Variants in GNL3L observed in about 807,000 individuals in gnomAD.
GNL3L encodes the protein G protein nucleolar 3 like.
Under a neutral mutation model 42.9 loss-of-function variants are expected in GNL3L, and 4 were observed. That is an observed-to-expected ratio of 0.09 (90% confidence interval 0.05 to 0.21). The LOEUF is 0.21. Among genes scored for constraint, GNL3L ranks in the 10% least tolerant of loss-of-function variants. The probability of loss-of-function intolerance (pLI) is 1.00; values close to 1 mark genes in which losing one functional copy is unlikely to be tolerated. For missense variants in GNL3L, 412 were observed against 481.7 expected (o/e 0.86, Z 1.36); for synonymous variants, 159 against 176.3 (o/e 0.90, Z 0.78).
chrX:54,594,822 C>G (rs1407865340), intron 16 of GNL3L, among the ~76,000 whole-genome samples: 2 of 110,893 alleles, frequency 1.8e-5, no homozygotes, highest in East Asian at 5.7e-4. Context: ...AATATACTAC[C>G]TTATTAACCC....
At chrX:54,594,763 T>A (rs1482502262) in intron 16 of GNL3L, among the ~76,000 whole-genome samples, 1 of 111,242 alleles carries the variant, frequency 9.0e-6, no homozygotes, top group East Asian at 2.8e-4. Context: ...TTTTATTTTT[T>A]GTGTATACAT....
intron 14 of GNL3L, among the ~76,000 whole-genome samples, chrX:54,555,859 T>G (rs1226643754): frequency 9.2e-6 from 1 of 109,129 alleles, no homozygotes; most frequent in Non-Finnish European, 1.9e-5. Context: ...CCCCAACACC[T>G]ACACAATCAA....
At chrX:54,578,630 C>T (rs750089325) in intron 16 of GNL3L, among the ~76,000 whole-genome samples, 1 of 112,306 alleles carries the variant, frequency 8.9e-6, no homozygotes, top group Admixed American at 9.5e-5. Flanking sequence ...CATTTTGTTG[C>T]ATGTATCATA....
chrX:54,642,427 C>T, the GNL3L span, among the ~76,000 whole-genome samples: 1 of 111,770 alleles, frequency 8.9e-6, no homozygotes. Context: ...CATTTATTTC[C>T]TTTCAATGTA....
At chrX:54,644,626 C>G in the GNL3L span, among the ~76,000 whole-genome samples, 3 of 111,913 alleles carry the variant, frequency 2.7e-5, no homozygotes, top group Non-Finnish European at 5.6e-5. Flanking sequence ...ATCTGAATGT[C>G]TGTGCCTGCA....
rs766901942 is a variant in GNL3L, at chrX:54,551,625, T to C, written c.921T>C (p.Ile307=). 7 of 1,210,268 alleles carry C rather than the reference T, an allele frequency of 5.8e-6. No individual in the cohort carries two copies. The South Asian group carries it at 1.2e-4, about 21-fold the overall frequency. ...TCCGGCTCTTGGATGCTCCAGGCAT[T>C]GTCCCAGGGCCCAACTCAGAGGTGG... is the stretch of plus-strand genomic sequence containing the variant. ...KFIRLLDAPG[I]VPGPNSEVGT... Residue 307 remains isoleucine (I), a synonymous_variant, in exon 11 of 16, where the codon ATT becomes ATC. Transcript: ENST00000360845.
the GNL3L span, among the ~76,000 whole-genome samples, chrX:54,632,881 C>T: frequency 9.0e-6 from 1 of 111,712 alleles, no homozygotes; most frequent in Middle Eastern, 4.6e-3. Context: ...GGTTTCTTCT[C>T]ATTTTGGTAG....
the GNL3L span, among the ~76,000 whole-genome samples, chrX:54,645,051 G>T: frequency 1.8e-5 from 2 of 111,610 alleles, no homozygotes; most frequent in Non-Finnish European, 3.8e-5. Context: ...TGAACTGGTT[G>T]TGGGAAAGCA....
At chrX:54,616,694 A>G (rs1926225294) in intron 16 of GNL3L, among the ~76,000 whole-genome samples, 1 of 111,703 alleles carries the variant, frequency 9.0e-6, no homozygotes, top group Admixed American at 9.5e-5. Flanking sequence ...TTTCAGTTTT[A>G]GGCTTTGAGA....
chrX:54,604,673 A>C (rs1926038650), intron 16 of GNL3L, among the ~76,000 whole-genome samples: 1 of 111,684 alleles, frequency 9.0e-6, no homozygotes, highest in Non-Finnish European at 1.9e-5. Context: ...ACAAACAAAA[A>C]CAAAACAAAA....
chrX:54,630,016 C>A, the GNL3L span, among the ~76,000 whole-genome samples: 1 of 111,075 alleles, frequency 9.0e-6, no homozygotes, highest in Non-Finnish European at 1.9e-5. Context: ...TTATCCATTT[C>A]CTCTAAGTTT....
chrX:54,550,973 T>C lies in GNL3L; in HGVS notation c.786T>C (p.Asn262=), dbSNP rs758818094. ...GCTGCTATTTTGTAGGTCTTCCCAA[T>C]GTTGGGAAGAGCAGCCTGATCAATA... ...HIRVGVVGLP[N]VGKSSLINSL... Residue 262 remains asparagine, a synonymous_variant, in exon 10 of 16, where the codon AAT becomes AAC. Coordinates refer to ENST00000360845, the MANE Select transcript of GNL3L (RefSeq NM_001184819.2). 35 of 1,110,035 alleles carry C rather than the reference T, an allele frequency of 3.2e-5. No homozygotes were observed. The highest frequency in any genetic ancestry group is 3.7e-5 in the Non-Finnish European group (30 of 803,989). The allele number at this position is 1,110,035 out of a possible 1,213,427, so 91.5% of individuals were successfully genotyped here.
chrX:54,532,637 T>C lies in GNL3L; in HGVS notation c.19+52T>C. On this transcript the variant is annotated intron_variant, in intron 2 of 15. Transcript: ENST00000360845. ...ATCCTGTGCTTTTAATGAATATTCATAGAATTTCACAGCAACTTTTTGTTT... is the reference window on the plus strand; with the variant it reads ...ATCCTGTGCTTTTAATGAATATTCACAGAATTTCACAGCAACTTTTTGTTT... 3 of 987,194 alleles carry C rather than the reference T, an allele frequency of 3.0e-6. No homozygotes were observed. In the Middle Eastern group the frequency reaches 7.7e-4, roughly 254 times the overall value. 81.4% of individuals were successfully genotyped at this position (987,194 alleles called of 1,213,427 possible).
At chrX:54,598,767 G>A (rs1233467454) in intron 16 of GNL3L, among the ~76,000 whole-genome samples, 1 of 111,429 alleles carries the variant, frequency 9.0e-6, no homozygotes. Flanking sequence ...CATTATGGCT[G>A]GGTTATTGAA....
the GNL3L span, among the ~76,000 whole-genome samples, chrX:54,641,482 T>C: frequency 8.9e-6 from 1 of 111,928 alleles, no homozygotes; most frequent in Non-Finnish European, 1.9e-5. Context: ...ACACCTGCCA[T>C]GTTCCAGTCA....
At chrX:54,598,098 A>G (rs1925957813) in intron 16 of GNL3L, among the ~76,000 whole-genome samples, 1 of 111,721 alleles carries the variant, frequency 9.0e-6, no homozygotes, top group South Asian at 3.7e-4. Context: ...AGGGGGGACA[A>G]TTGGTGGAGC....
intron 5 of GNL3L, among the ~76,000 whole-genome samples, 171 bp from the exon 6 acceptor site, chrX:54,542,784 G>A (rs1003454817): frequency 2.7e-5 from 3 of 111,215 alleles, no homozygotes; most frequent in Non-Finnish European, 5.7e-5. Flanking sequence ...TTTAATGATC[G>A]CCATTCTAAC....
At chrX:54,554,482 G>A (rs1167905721) in intron 13 of GNL3L, 83 bp from the exon 14 acceptor site, 35 of 1,001,262 alleles carry the variant, frequency 3.5e-5, no homozygotes, top group Non-Finnish European at 4.0e-5. Context: ...AAGCATCCAT[G>A]TATCCTTTTC....
At chrX:54,548,796 AG>A (rs1924846919) in intron 9 of GNL3L, among the ~76,000 whole-genome samples, 1 of 111,356 alleles carries the variant, frequency 9.0e-6, no homozygotes, top group African/African-American at 3.3e-5. Flanking sequence ...AGGGAAATTG[AG>A]AGAGGCAGAG....
Sources: allele counts gnomAD v4.1 joint callset (sites outside exome capture counted in the v4.1 genomes callset), GRCh38; gene constraint gnomAD v4.1.1; transcripts MANE v1.5; gene names NCBI Gene and HGNC (gene_info 2026-07-23, HGNC 2026-07-21).